AGMO: variants seen among roughly 807,000 people sequenced by gnomAD.
AGMO encodes alkylglycerol monooxygenase, also known as glyceryl-ether monooxygenase.
A neutral mutation model predicts 60.2 loss-of-function variants in AGMO; 75 were observed. The ratio of observed to expected loss-of-function variants is 1.25; its 90% CI spans 1.03 to 1.51. AGMO has a LOEUF of 1.51. AGMO is among the 40% of genes most tolerant of loss of function. The pLI is 0.00. For missense variants in AGMO, 763 were observed against 525.5 expected, an observed-to-expected ratio of 1.45 and a Z score of -4.42; for synonymous variants, 261 against 177.1, an observed-to-expected ratio of 1.47 and a Z score of -3.76.
chr7:15,265,100 T>C (rs1783393781), intron 12 of AGMO, among the ~76,000 whole-genome samples: 1 of 152,124 alleles, frequency 6.6e-6, no homozygotes, highest in Admixed American at 6.6e-5. Flanking sequence ...ACTATGCAAC[T>C]ATTAAAAAAG....
At chr7:15,314,772 C>A (rs1165664442) in intron 12 of AGMO, among the ~76,000 whole-genome samples, 1 of 151,984 alleles carries the variant, frequency 6.6e-6, no homozygotes, top group African/African-American at 2.4e-5. Context: ...GCTTATGAAT[C>A]TTAAGACAAG....
chr7:15,159,294 G>C, the AGMO span, among the ~76,000 whole-genome samples: 2 of 152,150 alleles, frequency 1.3e-5, no homozygotes, highest in Non-Finnish European at 2.9e-5. Flanking sequence ...GACCTTGGTT[G>C]AAATAAACTT....
chr7:15,403,847 T>C (rs894419516), intron 5 of AGMO, among the ~76,000 whole-genome samples: 3 of 151,964 alleles, frequency 2.0e-5, no homozygotes, highest in Admixed American at 6.6e-5. Flanking sequence ...TTTAGACAGA[T>C]GGTAGTGGCG....
At chr7:15,436,295 G>A (rs1452917369) in intron 3 of AGMO, among the ~76,000 whole-genome samples, 1 of 145,958 alleles carries the variant, frequency 6.9e-6, no homozygotes, top group Non-Finnish European at 1.5e-5. Flanking sequence ...CCCTGTGCAA[G>A]TCCAAGATCA....
intron 12 of AGMO, among the ~76,000 whole-genome samples, chr7:15,362,432 T>TTAA (rs144177107): frequency 1.2e-4 from 19 of 152,164 alleles, no homozygotes; most frequent in Non-Finnish European, 2.5e-4. Context: ...GCTTGTGGTT[T>TTAA]TAATAATAAT....
intron 12 of AGMO, among the ~76,000 whole-genome samples, chr7:15,246,815 A>C (rs917888492): frequency 1.3e-5 from 2 of 152,110 alleles, no homozygotes; most frequent in African/African-American, 2.4e-5. Context: ...TCCTCTTGAA[A>C]GCCAAGCTTC....
At chr7:15,403,437 C>G (rs11974364) in intron 5 of AGMO, among the ~76,000 whole-genome samples, 118,757 of 151,742 alleles carry the variant, frequency 0.78, 47,216 homozygotes, top group African/African-American at 0.93. Flanking sequence ...TCTTTCAAGA[C>G]GTCATAGAGT....
chr7:15,150,894 G>T, the AGMO span, among the ~76,000 whole-genome samples: 2 of 152,010 alleles, frequency 1.3e-5, no homozygotes, highest in African/African-American at 4.8e-5. Context: ...AGTAGTATTG[G>T]TACCAGTTCT....
chr7:15,478,304 T>C (rs1312206656), intron 3 of AGMO, among the ~76,000 whole-genome samples: 3 of 152,154 alleles, frequency 2.0e-5, no homozygotes, highest in Non-Finnish European at 2.9e-5. Context: ...CATCAACCTT[T>C]AACTTGTTTG....
chr7:15,287,881 A>C (rs906365061), intron 12 of AGMO, among the ~76,000 whole-genome samples: 1 of 152,130 alleles, frequency 6.6e-6, no homozygotes, highest in Non-Finnish European at 1.5e-5. Context: ...CTTTTCAATT[A>C]CTGGCATTTT....
At chr7:15,451,990 G>A (rs1482827568) in intron 3 of AGMO, among the ~76,000 whole-genome samples, 1 of 152,186 alleles carries the variant, frequency 6.6e-6, no homozygotes, top group Non-Finnish European at 1.5e-5. Context: ...ATTGTTAGAG[G>A]TGCATACTCC....
intron 12 of AGMO, among the ~76,000 whole-genome samples, chr7:15,335,863 T>A (rs1781642654): frequency 6.6e-6 from 1 of 152,194 alleles, no homozygotes; most frequent in Non-Finnish European, 1.5e-5. Flanking sequence ...AATGTAGTCT[T>A]CGTGTTATTT....
At chr7:15,362,422 G>A (rs910016266) in intron 12 of AGMO, among the ~76,000 whole-genome samples, 6 of 151,966 alleles carry the variant, frequency 3.9e-5, no homozygotes, top group African/African-American at 1.5e-4. Context: ...ATCATTAATG[G>A]CTTGTGGTTT....
chr7:15,515,136 T>A (rs566127542), intron 3 of AGMO, among the ~76,000 whole-genome samples: 108 of 152,326 alleles, frequency 7.1e-4, no homozygotes, highest in African/African-American at 2.5e-3. Flanking sequence ...GGAAGCACTA[T>A]GACTTTTAAA....
chr7:15,451,232 T>C (rs546160654), intron 3 of AGMO, among the ~76,000 whole-genome samples: 3 of 152,158 alleles, frequency 2.0e-5, no homozygotes, highest in Non-Finnish European at 4.4e-5. Flanking sequence ...TGATATGATA[T>C]AAAATTATTT....
chr7:15,524,429 T>C (rs764344329), intron 3 of AGMO, among the ~76,000 whole-genome samples: 10 of 152,202 alleles, frequency 6.6e-5, no homozygotes, highest in Non-Finnish European at 1.5e-4. Flanking sequence ...GACATACCTA[T>C]GTGCTAAAGT....
intron 12 of AGMO, among the ~76,000 whole-genome samples, chr7:15,294,897 C>T (rs753003811): frequency 4.0e-5 from 6 of 151,742 alleles, no homozygotes; most frequent in Non-Finnish European, 7.4e-5. Flanking sequence ...GATACTTTAA[C>T]AATGAATATG....
chr7:15,276,285 T>C (rs1021503002), intron 12 of AGMO, among the ~76,000 whole-genome samples: 2 of 152,186 alleles, frequency 1.3e-5, no homozygotes, highest in Non-Finnish European at 2.9e-5. Flanking sequence ...CTTTCATTTA[T>C]GATGCACAGT....
At chr7:15,455,687 G>T (rs899212550) in intron 3 of AGMO, among the ~76,000 whole-genome samples, 1 of 152,034 alleles carries the variant, frequency 6.6e-6, no homozygotes, top group East Asian at 1.9e-4. Flanking sequence ...ATAATTTCAG[G>T]TTGGGAATGA....
Sources: gnomAD v4.1 joint callset for allele counts (sites outside exome capture counted in the v4.1 genomes callset) on GRCh38, gnomAD v4.1.1 for gene constraint, MANE v1.5 for transcripts, NCBI Gene and HGNC (gene_info 2026-07-23, HGNC 2026-07-21) for gene names.